The following ADGRV1 variants were observed in gnomAD, a reference collection of about 807,000 sequenced individuals.
ADGRV1 encodes G-protein coupled receptor 98.
A neutral mutation model predicts 596.2 loss-of-function variants in ADGRV1; 359 were observed. That is an observed-to-expected ratio of 0.60 (90% CI 0.55 to 0.66). The LOEUF is 0.66. ADGRV1 is among the 30% of genes least tolerant of loss of function. ADGRV1 has a pLI of 0.00. For missense variants in ADGRV1, 7,274 were observed against 7,575.6 expected (o/e 0.96, Z 1.48); for synonymous variants, 2,681 against 2,679.2 (o/e 1.00, Z -0.02).
intron 85 of ADGRV1, among the ~76,000 whole-genome samples, chr5:91,002,088 C>A (rs1177628889): frequency 1.3e-5 from 2 of 151,942 alleles, no homozygotes; most frequent in Admixed American, 6.6e-5. Context: ...GCTTATAGAT[C>A]TTAATATTTT....
At chr5:90,736,587 C>T (rs955588070) in intron 50 of ADGRV1, among the ~76,000 whole-genome samples, 2 of 152,006 alleles carry the variant, frequency 1.3e-5, no homozygotes, top group African/African-American at 4.8e-5. Context: ...GCCATAAAGG[C>T]ATCAGGTTCT....
intron 87 of ADGRV1, among the ~76,000 whole-genome samples, chr5:91,144,781 G>T (rs1325457035): frequency 6.6e-6 from 1 of 152,216 alleles, no homozygotes. Flanking sequence ...CTGTTATATT[G>T]TAAGGTATTG....
In ADGRV1 at chr5:90,725,188, C is replaced by T; in HGVS notation, c.10009C>T (p.Leu3337Phe). Residue 3337 changes from leucine to phenylalanine, a missense_variant, in exon 47 of 90, where the codon CTT becomes TTT. Transcript: ENST00000405460. ...HEERNEEKPS[L>F]NSVFTFTSGF... is the part of the protein sequence containing the mutation. ...AGAAAGAAATGAAGAAAAGCCTTCT[C>T]TTAACAGTGTGTTTACATTCACATC... The T allele has an allele frequency of 6.5e-6, 10 of 1,539,952 alleles. No individual in the cohort carries two copies. Among genetic ancestry groups the T allele is most frequent in the Non-Finnish European group, 8.8e-6 (10 of 1,137,578 alleles).
At position 90,778,446 on chromosome 5, in the gene ADGRV1, C is replaced by T; in HGVS notation, c.12686C>T (p.Pro4229Leu). The T allele has an allele frequency of 6.2e-7, 1 of 1,612,374 alleles. No homozygotes were observed. The highest frequency in any genetic ancestry group is 8.5e-7 in the Non-Finnish European group (1 of 1,179,254). ...TTCTAGGCTTTGAACGATGACATTC[C>T]CGAGGAAAAAAGCTTCTATGAGTTT... ...VVIQALNDDI[P>L]EEKSFYEFQL... The change falls in exon 63 of 90, where the codon CCC (proline) becomes CTC (leucine). Residue 4229 changes from proline to leucine, a missense_variant. Physicochemically the swap from Pro to Leu is moderately conservative, Grantham distance 98. Transcript: ENST00000405460.
chr5:90,753,713 C>T lies in ADGRV1; in HGVS notation c.11261C>T (p.Ala3754Val). 2 of 1,613,642 alleles carry T rather than the reference C, an allele frequency of 1.2e-6. No individual in the cohort carries two copies. Among genetic ancestry groups the T allele is most frequent in the East Asian group, 2.2e-5 (1 of 44,870 alleles). The change falls in exon 54 of 90, where the codon GCT (alanine) becomes GTT (valine). Residue 3754 changes from alanine (A) to valine (V), a missense_variant. Coordinates refer to ENST00000405460, the MANE Select transcript of ADGRV1 (RefSeq NM_032119.4). ...GGGGTTGAGGACTCATACAAAGGTG[C>T]TACTATTGATCAGGACAGAAGCAAG... ...TEGVEDSYKGATIDQDRSKSV... is the reference protein window; with the variant it reads ...TEGVEDSYKGVTIDQDRSKSV...
chr5:90,967,707 A>G lies in ADGRV1; in HGVS notation c.17973+2176A>G, dbSNP rs887401842. 3.9e-5 allele frequency among the ~76,000 whole-genome samples: 6 copies of G among 152,300 alleles called. 1 individual carries two copies. The highest frequency in any genetic ancestry group is 2.6e-4 in the Admixed American group (4 of 15,294). On this transcript the variant is annotated intron_variant, in intron 84 of 89. Coordinates refer to ENST00000405460, the MANE Select transcript of ADGRV1 (RefSeq NM_032119.4). Reference sequence around the variant, plus strand: ...CTGCAACAGAGAGCTGCCTGCATTAAGATTACAAGTAGAGCCAATGAAGAG... The same window carrying G: ...CTGCAACAGAGAGCTGCCTGCATTAGGATTACAAGTAGAGCCAATGAAGAG...
chr5:90,729,046 A>C (rs1000492113), intron 49 of ADGRV1, 113 bp downstream of exon 49: 6 of 700,304 alleles, frequency 8.6e-6, no homozygotes, highest in African/African-American at 1.8e-5. Flanking sequence ...AATCCATAGA[A>C]TATTTCTTGA....
chr5:90,651,975 G>T (rs185176485), intron 18 of ADGRV1, among the ~76,000 whole-genome samples: 13 of 143,864 alleles, frequency 9.0e-5, no homozygotes, highest in African/African-American at 3.4e-4. Flanking sequence ...TCAATCCTTT[G>T]TGAGACTGAG....
chr5:90,705,597 A>G lies in ADGRV1; in HGVS notation c.8566+18A>G. 1.9e-6 allele frequency: 3 copies of G among 1,601,494 alleles called. No homozygotes were observed. The South Asian group carries it at 3.3e-5, about 18-fold the overall frequency. ...ATCTCTAGGTTTGTGTTACTCTAGA[A>G]TGAATGGGGTTTCCAGGCAAGTGCT... On this transcript the variant is annotated intron_variant, in intron 37 of 89. Coordinates refer to ENST00000405460, the MANE Select transcript of ADGRV1 (RefSeq NM_032119.4).
intron 45 of ADGRV1, among the ~76,000 whole-genome samples, chr5:90,723,348 A>C (rs1414807691): frequency 1.3e-5 from 2 of 152,138 alleles, no homozygotes; most frequent in Non-Finnish European, 2.9e-5. Context: ...AATATTTAGA[A>C]GAAAAAGGAG....
intron 87 of ADGRV1, among the ~76,000 whole-genome samples, chr5:91,134,282 C>T (rs146593500): frequency 1.1e-3 from 169 of 152,010 alleles, no homozygotes; most frequent in African/African-American, 3.8e-3. Flanking sequence ...CAACCTCCCA[C>T]GCTCAAGCAA....
intron 87 of ADGRV1, among the ~76,000 whole-genome samples, chr5:91,129,204 C>A (rs1794008787): frequency 6.6e-6 from 1 of 152,174 alleles, no homozygotes; most frequent in African/African-American, 2.4e-5. Flanking sequence ...TCTTCTCTAA[C>A]ACATATGATT....
At chr5:90,927,678 A>C (rs1306937886) in intron 83 of ADGRV1, among the ~76,000 whole-genome samples, 1 of 151,140 alleles carries the variant, frequency 6.6e-6, no homozygotes, top group African/African-American at 2.4e-5. Context: ...TGTCATTATG[A>C]TGTTAGGGGT....
At chr5:90,718,043 T>C (rs1361390759) in intron 43 of ADGRV1, 1 of 152,230 alleles carries the variant, frequency 6.6e-6, no homozygotes, top group African/African-American at 2.4e-5. Flanking sequence ...TTCAGTGGCA[T>C]TAATTATATT....
chr5:90,696,892 G>T, intron 33 of ADGRV1, 45 bp from the exon 34 acceptor site: 1 of 1,420,814 alleles, frequency 7.0e-7, no homozygotes, highest in Non-Finnish European at 9.8e-7. Flanking sequence ...TCTCTGTGTT[G>T]GTGATTTTGT....
chr5:90,756,819 T>A, intron 56 of ADGRV1, 160 bp from the exon 57 acceptor site: 1 of 744,802 alleles, frequency 1.3e-6, no homozygotes, highest in Non-Finnish European at 2.1e-6. Flanking sequence ...TCATTAAATA[T>A]AAGAGTTCAG....
chr5:90,979,485 A>T (rs1422827366), intron 84 of ADGRV1, among the ~76,000 whole-genome samples: 4 of 152,110 alleles, frequency 2.6e-5, no homozygotes, highest in Admixed American at 2.0e-4. Context: ...GTGTCAATTT[A>T]TATGGAAATA....
At chr5:90,680,834 A>G (rs546455826) in intron 26 of ADGRV1, among the ~76,000 whole-genome samples, 37 of 152,356 alleles carry the variant, frequency 2.4e-4, no homozygotes, top group African/African-American at 8.7e-4. Flanking sequence ...ATTTAAGATC[A>G]GGAGAGATAG....
chr5:90,974,024 C>T (rs1372059315), intron 84 of ADGRV1, among the ~76,000 whole-genome samples: 1 of 152,096 alleles, frequency 6.6e-6, no homozygotes, highest in African/African-American at 2.4e-5. Context: ...AATCAGTGTG[C>T]AAAAATCACA....
Sources: allele counts gnomAD v4.1 joint callset (sites outside exome capture counted in the v4.1 genomes callset), GRCh38; gene constraint gnomAD v4.1.1; transcripts MANE v1.5; gene names NCBI Gene and HGNC (gene_info 2026-07-23, HGNC 2026-07-21).